Variants in NKAIN2 observed in about 807,000 individuals in gnomAD.
NKAIN2 encodes sodium/potassium transporting ATPase interacting 2.
In NKAIN2, 14 loss-of-function variants were observed where a neutral mutation model predicts 32.6. That is an observed-to-expected ratio of 0.43 (90% CI 0.28 to 0.67). The LOEUF (loss-of-function observed/expected upper bound fraction) is 0.67. Ranked by LOEUF, NKAIN2 falls within the 30% of genes least tolerant of loss-of-function variation. The pLI is 0.17. For synonymous variants in NKAIN2, 80 were observed against 87.2 expected, an observed-to-expected ratio of 0.92 and a Z score of 0.46; for missense variants, 198 against 258.3, an observed-to-expected ratio of 0.77 and a Z score of 1.60.
intron 2 of NKAIN2, among the ~76,000 whole-genome samples, chr6:124,332,982 T>G (rs1161835530): frequency 6.6e-6 from 1 of 152,180 alleles, no homozygotes; most frequent in Non-Finnish European, 1.5e-5. Context: ...GTCTCCAAAC[T>G]TCTATATATG....
intron 3 of NKAIN2, among the ~76,000 whole-genome samples, chr6:124,564,678 G>T (rs143855954): frequency 1.3e-5 from 2 of 152,132 alleles, no homozygotes; most frequent in African/African-American, 4.8e-5. Flanking sequence ...AGAACCCACC[G>T]GAGGGAACCA....
intron 2 of NKAIN2, among the ~76,000 whole-genome samples, chr6:124,340,350 A>T (rs188307446): frequency 4.0e-4 from 61 of 152,266 alleles, no homozygotes; most frequent in Admixed American, 8.5e-4. Flanking sequence ...ATTATTTTTT[A>T]AAAAAACTCA....
intron 3 of NKAIN2, among the ~76,000 whole-genome samples, chr6:124,412,879 G>A (rs1013284748): frequency 3.9e-4 from 60 of 152,272 alleles, no homozygotes; most frequent in Non-Finnish European, 6.0e-4. Flanking sequence ...AATGGCGGGC[G>A]CCCCTCCCCG....
intron 3 of NKAIN2, among the ~76,000 whole-genome samples, chr6:124,509,859 T>C (rs894725398): frequency 2.6e-5 from 4 of 152,232 alleles, no homozygotes; most frequent in Non-Finnish European, 4.4e-5. Context: ...TGAGAAGATA[T>C]GGCCATATAA....
chr6:124,137,058 CA>C (rs973617411), intron 1 of NKAIN2, among the ~76,000 whole-genome samples: 1 of 152,004 alleles, frequency 6.6e-6, no homozygotes, highest in Non-Finnish European at 1.5e-5. Context: ...ATTGGAAAAA[CA>C]GAAGTCAAAC....
At chr6:124,324,987 T>C (rs576508672) in intron 2 of NKAIN2, among the ~76,000 whole-genome samples, 43 of 152,254 alleles carry the variant, frequency 2.8e-4, no homozygotes, top group African/African-American at 9.9e-4. Context: ...ATGACAGATA[T>C]TTCTATGTAA....
intron 1 of NKAIN2, among the ~76,000 whole-genome samples, chr6:123,920,204 G>T (rs1431527127): frequency 4.6e-5 from 7 of 152,110 alleles, no homozygotes; most frequent in Non-Finnish European, 1.0e-4. Context: ...TTGCAAAGTG[G>T]TTTTAAAAGA....
intron 4 of NKAIN2, among the ~76,000 whole-genome samples, chr6:124,783,564 T>C (rs6907764): frequency 0.19 from 29,577 of 152,156 alleles, 3,292 homozygotes; most frequent in East Asian, 0.51. Flanking sequence ...GGTTGATAAC[T>C]GCACCTGGAT....
chr6:124,018,784 GC>G (rs1181446588), intron 1 of NKAIN2, among the ~76,000 whole-genome samples: 2 of 152,092 alleles, frequency 1.3e-5, no homozygotes, highest in Non-Finnish European at 2.9e-5. Context: ...CTTCTTCTGA[GC>G]CCTCCAAACT....
chr6:124,119,610 A>T lies in NKAIN2; in HGVS notation c.55-163395A>T, dbSNP rs1210859756. Among the ~76,000 whole-genome samples, 84 of 152,230 alleles carry T rather than the reference A, an allele frequency of 5.5e-4. 1 individual carries two copies. The highest frequency in any genetic ancestry group is 5.4e-3 in the Admixed American group (83 of 15,280). On this transcript the variant is annotated intron_variant, in intron 1 of 6. Transcript: ENST00000368417. ...ACAGACGTATTTGCTTTGTCCTGTGAAACATGGACTGTATAAGCATCTGTG... is the reference window on the plus strand; with the variant it reads ...ACAGACGTATTTGCTTTGTCCTGTGTAACATGGACTGTATAAGCATCTGTG...
chr6:124,122,219 G>A (rs976395949), intron 1 of NKAIN2, among the ~76,000 whole-genome samples: 15 of 152,002 alleles, frequency 9.9e-5, no homozygotes, highest in Admixed American at 2.6e-4. Flanking sequence ...CTGTCCATTC[G>A]TCTGCTTTAC....
chr6:124,174,424 C>A (rs1028351136), intron 1 of NKAIN2, among the ~76,000 whole-genome samples: 1 of 152,250 alleles, frequency 6.6e-6, no homozygotes, highest in African/African-American at 2.4e-5. Context: ...ACAATCTCTA[C>A]CTTGCAGAAA....
chr6:124,041,103 A>T (rs117068923), intron 1 of NKAIN2, among the ~76,000 whole-genome samples: 4,108 of 152,166 alleles, frequency 0.027, 75 homozygotes, highest in Admixed American at 0.043. Context: ...TTAGGAAGTC[A>T]TGTGAAAATA....
At chr6:123,989,648 C>T (rs1176797309) in intron 1 of NKAIN2, among the ~76,000 whole-genome samples, 2 of 152,066 alleles carry the variant, frequency 1.3e-5, no homozygotes, top group African/African-American at 4.8e-5. Context: ...TAATTATGCT[C>T]TTTTAATAAT....
chr6:124,617,248 A>G (rs1446393825), intron 3 of NKAIN2, among the ~76,000 whole-genome samples: 2 of 152,290 alleles, frequency 1.3e-5, no homozygotes, highest in East Asian at 3.9e-4. Flanking sequence ...ACATAAAAAC[A>G]ACAGCTCTTT....
chr6:124,011,602 T>C (rs1780330387), intron 1 of NKAIN2, among the ~76,000 whole-genome samples: 1 of 152,220 alleles, frequency 6.6e-6, no homozygotes, highest in Admixed American at 6.5e-5. Flanking sequence ...GTTCATCTTT[T>C]ATCCATCACT....
intron 1 of NKAIN2, among the ~76,000 whole-genome samples, chr6:123,906,329 C>T (rs942032651): frequency 2.7e-5 from 4 of 150,684 alleles, no homozygotes; most frequent in African/African-American, 4.9e-5. Context: ...TTTTCACAGG[C>T]TGGAGTACAG....
At chr6:124,636,131 CA>C (rs1005042452) in intron 3 of NKAIN2, among the ~76,000 whole-genome samples, 8 of 149,632 alleles carry the variant, frequency 5.3e-5, no homozygotes, top group East Asian at 2.0e-4. Context: ...AAATAAATAA[CA>C]AAAAAAAGGA....
chr6:124,383,364 G>A (rs1772732402), intron 3 of NKAIN2, among the ~76,000 whole-genome samples: 1 of 152,162 alleles, frequency 6.6e-6, no homozygotes, highest in Non-Finnish European at 1.5e-5. Flanking sequence ...AGGGCAGATT[G>A]TATAAGGTCA....
Sources: allele counts gnomAD v4.1 joint callset (sites outside exome capture counted in the v4.1 genomes callset), GRCh38; gene constraint gnomAD v4.1.1; transcripts MANE v1.5; gene names NCBI Gene and HGNC (gene_info 2026-07-23, HGNC 2026-07-21).